The following NUP98 variants were observed in gnomAD, a reference collection of about 807,000 sequenced individuals.
NUP98 encodes nuclear pore complex protein Nup98-Nup96.
In NUP98, 26 loss-of-function variants were observed where a neutral mutation model predicts 191.9. The ratio of observed to expected loss-of-function variants is 0.14; its 90% CI spans 0.10 to 0.19. The LOEUF (loss-of-function observed/expected upper bound fraction) is 0.19, where lower values mean the gene tolerates loss of function less well. Among genes scored for constraint, NUP98 ranks in the 10% least tolerant of loss-of-function variants. The probability of loss-of-function intolerance (pLI) is 1.00; values close to 1 mark genes in which losing one functional copy is unlikely to be tolerated. For missense variants in NUP98, 1,941 were observed against 2,178.8 expected (o/e 0.89, Z 2.17); for synonymous variants, 808 against 778.4 (o/e 1.04, Z -0.63).
intron 2 of NUP98, among the ~76,000 whole-genome samples, chr11:3,780,372 T>TAC (rs1564922337): frequency 3.4e-5 from 3 of 89,454 alleles, no homozygotes; most frequent in African/African-American, 8.5e-5. Context: ...CCACTTAAAA[T>TAC]AAAAAAAAAA....
chr11:3,713,709 A>T, intron 19 of NUP98, 109 bp downstream of exon 19: 1 of 1,040,882 alleles, frequency 9.6e-7, no homozygotes, highest in Non-Finnish European at 1.4e-6. Flanking sequence ...ACAGAGCAAG[A>T]ACCCCATCAA....
chr11:3,702,344 C>T (rs1392499063), intron 23 of NUP98, 119 bp downstream of exon 23: 2 of 668,918 alleles, frequency 3.0e-6, no homozygotes, highest in Admixed American at 2.5e-5. Context: ...CTCTCTCTCT[C>T]TCTCTCTCTC....
intron 30 of NUP98, among the ~76,000 whole-genome samples, chr11:3,681,275 C>T (rs1212733852): frequency 6.6e-6 from 1 of 152,028 alleles, no homozygotes; most frequent in Non-Finnish European, 1.5e-5. Flanking sequence ...TCCTGGGGCT[C>T]AAGCAATCTG....
chr11:3,680,496 C>T (rs1390748764), intron 30 of NUP98, among the ~76,000 whole-genome samples: 1 of 152,190 alleles, frequency 6.6e-6, no homozygotes, highest in Non-Finnish European at 1.5e-5. Flanking sequence ...TTCCATACTC[C>T]TGTTATTTAA....
At chr11:3,746,638 C>A (rs886066224) in intron 11 of NUP98, among the ~76,000 whole-genome samples, 1 of 151,710 alleles carries the variant, frequency 6.6e-6, no homozygotes, top group Non-Finnish European at 1.5e-5. Context: ...GTGGGCTGGG[C>A]GCGGTGGCTC....
chr11:3,770,649 G>T (rs748524409), intron 7 of NUP98, among the ~76,000 whole-genome samples: 1 of 152,040 alleles, frequency 6.6e-6, no homozygotes. Flanking sequence ...GGTGGCTGGG[G>T]AAAGTGTATA....
intron 26 of NUP98, among the ~76,000 whole-genome samples, 168 bp downstream of exon 26, chr11:3,695,281 T>C (rs1207205499): frequency 6.6e-6 from 1 of 152,264 alleles, no homozygotes; most frequent in Non-Finnish European, 1.5e-5. Context: ...TACAACTAGA[T>C]TTTTAAAAGT....
intron 14 of NUP98, among the ~76,000 whole-genome samples, chr11:3,729,151 A>AATC (rs1335401737): frequency 6.6e-6 from 1 of 152,128 alleles, no homozygotes; most frequent in African/African-American, 2.4e-5. Flanking sequence ...AAAATTTGGG[A>AATC]ATCATCAGAC....
intron 4 of NUP98, among the ~76,000 whole-genome samples, chr11:3,776,454 T>G (rs989997163): frequency 2.6e-5 from 4 of 151,060 alleles, no homozygotes; most frequent in Non-Finnish European, 4.4e-5. Context: ...ACCTTTCAAG[T>G]CTCCCAAGCA....
chr11:3,749,256 C>T (rs1021443244), intron 11 of NUP98, among the ~76,000 whole-genome samples: 2 of 150,204 alleles, frequency 1.3e-5, no homozygotes, highest in Non-Finnish European at 3.0e-5. Context: ...TGCAGTGAGC[C>T]GAGATTGCAC....
At chr11:3,712,329 GAC>G (rs1252318712) in intron 20 of NUP98, 48 of 1,314,382 alleles carry the variant, frequency 3.7e-5, no homozygotes, top group Non-Finnish European at 4.5e-5. Flanking sequence ...GTTTAAAAAT[GAC>G]AATCTGTAGA....
Position 3,720,711 on chromosome 11 carries a change from C to T in NUP98, c.2260+1G>A. On this transcript the variant is annotated splice_donor_variant, in intron 17 of 32. Transcript: ENST00000324932. LOFTEE classifies it high-confidence loss of function. ...TCACTAAGTGCTAAACTCACACTTA[C>T]CTTTCCGACCAATAGTGAAATCAGA... 6.5e-7 allele frequency: 1 copy of T among 1,532,398 alleles called. No homozygotes were observed. Among genetic ancestry groups the T allele is most frequent in the Non-Finnish European group, 9.0e-7 (1 of 1,110,170 alleles). The allele number at this position is 1,532,398 out of a possible 1,614,324, so 94.9% of individuals were successfully genotyped here.
intron 7 of NUP98, among the ~76,000 whole-genome samples, chr11:3,768,968 C>T (rs2081428839): frequency 6.6e-6 from 1 of 152,140 alleles, no homozygotes; most frequent in Admixed American, 6.5e-5. Context: ...CTTAACTAGG[C>T]TAAATGATCT....
intron 24 of NUP98, 140 bp from the exon 25 acceptor site, chr11:3,699,488 C>G: frequency 1.2e-6 from 1 of 845,930 alleles, no homozygotes. Context: ...TACCCTGAAT[C>G]TGTCTCTACC....
chr11:3,785,618 T>C (rs2082118064), intron 1 of NUP98, among the ~76,000 whole-genome samples: 1 of 151,972 alleles, frequency 6.6e-6, no homozygotes, highest in South Asian at 2.1e-4. Flanking sequence ...AATCAGCTGA[T>C]AGCGGTGGTG....
Position 3,700,618 on chromosome 11 carries a change from T to C in NUP98, c.3734A>G (p.Glu1245Gly). The C allele has an allele frequency of 6.2e-7, 1 of 1,610,508 alleles. No individual in the cohort carries two copies. Among genetic ancestry groups the C allele is most frequent in the Non-Finnish European group, 8.5e-7 (1 of 1,176,908 alleles). The stretch of plus-strand genomic sequence containing the variant: ...ACATAGTGTGTACTCACTTTGTGCT[T>C]CTGGTAAGTCTCCTGATGCTTCTTT... ...WVKEASGDLP[E>G]AQIVKHWSLT... is the part of the protein sequence containing the mutation. Residue 1245 changes from glutamate to glycine, a missense_variant, in exon 24 of 33, where the codon GAA (glutamate) becomes GGA (glycine). Glu to Gly is a moderately conservative substitution (Grantham distance 98). This residue lies in a region of NUP98 where 1,030 missense variants were observed against 1,115.8 expected (regional missense o/e 0.92). Coordinates refer to ENST00000324932, the MANE Select transcript of NUP98 (RefSeq NM_016320.5).
In NUP98 at chr11:3,705,182, G is replaced by C; in HGVS notation, c.3082+18C>G. On this transcript the variant is annotated intron_variant, in intron 22 of 32. Coordinates refer to ENST00000324932, the MANE Select transcript of NUP98 (RefSeq NM_016320.5). ...GACTGTACAGCTTTCTTGTAAAATA[G>C]CATCTTTTATACTGTACCTAGTGAA... 1 of 1,612,018 alleles carries C rather than the reference G, an allele frequency of 6.2e-7. No individual in the cohort carries two copies. Among genetic ancestry groups the C allele is most frequent in the Non-Finnish European group, 8.5e-7 (1 of 1,178,358 alleles).
intron 14 of NUP98, among the ~76,000 whole-genome samples, chr11:3,726,519 T>C (rs1800503348): frequency 6.9e-6 from 1 of 145,874 alleles, no homozygotes; most frequent in Non-Finnish European, 1.5e-5. Flanking sequence ...TAGACGCCAC[T>C]GACATTAAAA....
chr11:3,752,940 T>C (rs894860306), intron 11 of NUP98, among the ~76,000 whole-genome samples: 7 of 152,222 alleles, frequency 4.6e-5, no homozygotes, highest in Non-Finnish European at 5.9e-5. Context: ...TGTGCTCTTA[T>C]TGCTCTGCCT....
Sources: gnomAD v4.1 joint callset for allele counts (sites outside exome capture counted in the v4.1 genomes callset) on GRCh38, gnomAD v4.1.1 for gene constraint, gnomAD v4.1.1 regional missense constraint, MANE v1.5 for transcripts, NCBI Gene and HGNC (gene_info 2026-07-23, HGNC 2026-07-21) for gene names.